NAV3: variants seen among roughly 807,000 people sequenced by gnomAD.
NAV3 encodes the protein neuron navigator 3.
NAV3 carries 87 observed loss-of-function variants against 244.7 expected under a neutral mutation model. That is an observed-to-expected ratio of 0.36 (90% CI 0.30 to 0.42). NAV3 has a LOEUF of 0.42. NAV3 is among the 20% of genes least tolerant of loss of function. The pLI is 1.00. For synonymous variants in NAV3, 1,126 were observed against 1,042.2 expected, an observed-to-expected ratio of 1.08 and a Z score of -1.55; for missense variants, 2,663 against 2,893.3, an observed-to-expected ratio of 0.92 and a Z score of 1.83.
At chr12:78,199,103 C>T (rs189498890) in intron 36 of NAV3, 67 of 610,476 alleles carry the variant, frequency 1.1e-4, no homozygotes, top group African/African-American at 3.6e-4. Context: ...TCACTTCTGA[C>T]GCACATGAGC....
intron 22 of NAV3, among the ~76,000 whole-genome samples, chr12:78,156,292 A>C (rs933592921): frequency 6.6e-6 from 1 of 152,066 alleles, no homozygotes; most frequent in African/African-American, 2.4e-5. Context: ...GGTTTGTCGA[A>C]GATCAGATGG....
intron 35 of NAV3, among the ~76,000 whole-genome samples, chr12:78,197,770 A>G (rs896704195): frequency 6.6e-6 from 1 of 151,928 alleles, no homozygotes; most frequent in African/African-American, 2.4e-5. Flanking sequence ...CTCTTATGGA[A>G]ACATTACTTC....
In NAV3 at chr12:77,858,767, G is replaced by A. The variant is rs1051205153; in HGVS notation, c.243+27063G>A. 3.3e-5 allele frequency among the ~76,000 whole-genome samples: 5 copies of A among 152,034 alleles called. No individual in the cohort carries two copies. In the East Asian group the frequency reaches 9.6e-4, roughly 29 times the overall value. On this transcript the variant is annotated intron_variant, in intron 1 of 39. Transcript: ENST00000397909. ...ATCTTGCTACATAAGCATCCACAAT[G>A]TAAAGTACAATATTTTATATGTTAT...
chr12:78,080,884 T>A (rs1345311638), intron 12 of NAV3, among the ~76,000 whole-genome samples: 5 of 152,342 alleles, frequency 3.3e-5, no homozygotes, highest in African/African-American at 4.8e-5. Flanking sequence ...CTTATGACTT[T>A]ATTTAGCTGA....
chr12:77,896,150 C>G (rs1884608639), intron 1 of NAV3, among the ~76,000 whole-genome samples: 1 of 152,044 alleles, frequency 6.6e-6, no homozygotes, highest in South Asian at 2.1e-4. Flanking sequence ...TCGCTACTAC[C>G]TTATCCTCTG....
chr12:78,151,142 T>A (rs1442188075), intron 22 of NAV3, among the ~76,000 whole-genome samples: 1 of 152,050 alleles, frequency 6.6e-6, no homozygotes, highest in Non-Finnish European at 1.5e-5. Flanking sequence ...TTGTGTTAAT[T>A]TAAAAAGTGC....
intron 2 of NAV3, among the ~76,000 whole-genome samples, chr12:77,800,898 C>T (rs1483964539): frequency 6.6e-6 from 1 of 151,984 alleles, no homozygotes; most frequent in Non-Finnish European, 1.5e-5. Flanking sequence ...ATCTAGGACA[C>T]TCTTCATCAC....
At chr12:77,907,257 A>G (rs1287867730) in intron 1 of NAV3, among the ~76,000 whole-genome samples, 1 of 152,124 alleles carries the variant, frequency 6.6e-6, no homozygotes, top group African/African-American at 2.4e-5. Context: ...AGGAGAGATG[A>G]TAGCTCATTC....
At chr12:78,081,049 A>G (rs1953321603) in intron 12 of NAV3, among the ~76,000 whole-genome samples, 2 of 151,998 alleles carry the variant, frequency 1.3e-5, no homozygotes, top group East Asian at 3.9e-4. Flanking sequence ...CAGGAAATAG[A>G]GAAGTCAGAA....
chr12:77,974,622 T>C (rs1893307751), intron 5 of NAV3, among the ~76,000 whole-genome samples: 1 of 152,074 alleles, frequency 6.6e-6, no homozygotes, highest in South Asian at 2.1e-4. Flanking sequence ...CTTGGATGTA[T>C]TTTATGTGGG....
intron 12 of NAV3, among the ~76,000 whole-genome samples, chr12:78,069,239 T>A (rs1032630505): frequency 1.3e-5 from 2 of 151,730 alleles, no homozygotes; most frequent in African/African-American, 4.8e-5. Context: ...CTCCCATATG[T>A]TTTTTTAGGA....
chr12:77,961,666 A>G (rs1316643461), intron 3 of NAV3, among the ~76,000 whole-genome samples: 1 of 141,860 alleles, frequency 7.0e-6, no homozygotes, highest in Non-Finnish European at 1.5e-5. Context: ...TATATATATT[A>G]CATACATGTA....
rs551690496 is a variant in NAV3 at position 78,167,005 on chromosome 12, A to G, written c.4870-1750A>G. 1.3e-4 allele frequency among the ~76,000 whole-genome samples: 20 copies of G among 151,978 alleles called. No individual in the cohort carries two copies. In the East Asian group the frequency reaches 3.1e-3, roughly 23 times the overall value. ...TATTTACGTTGTATAATTAATATTT[A>G]CATTCCATGATTCCACTATGTACCA... is the stretch of plus-strand genomic sequence containing the variant. On this transcript the variant is annotated intron_variant, in intron 23 of 39. Transcript: ENST00000397909.
chr12:77,934,811 G>A (rs1156592175), intron 1 of NAV3, among the ~76,000 whole-genome samples: 2 of 152,174 alleles, frequency 1.3e-5, no homozygotes, highest in Non-Finnish European at 2.9e-5. Flanking sequence ...GCTACTGCTT[G>A]AATGTTGAAG....
intron 2 of NAV3, among the ~76,000 whole-genome samples, chr12:77,792,064 G>T (rs995882524): frequency 1.3e-5 from 2 of 152,004 alleles, no homozygotes; most frequent in Non-Finnish European, 2.9e-5. Context: ...GCATCTTTAA[G>T]TCTTTCATCA....
At chr12:77,811,092 A>G (rs1021602418) in intron 2 of NAV3, among the ~76,000 whole-genome samples, 1 of 152,248 alleles carries the variant, frequency 6.6e-6, no homozygotes, top group East Asian at 1.9e-4. Flanking sequence ...TGTTAAAACT[A>G]TAAGAATAAA....
intron 8 of NAV3, among the ~76,000 whole-genome samples, chr12:78,019,716 G>T (rs11107884): frequency 0.2 from 30,496 of 151,950 alleles, 3,286 homozygotes; most frequent in Middle Eastern, 0.25. Flanking sequence ...GGTGGCCACA[G>T]TAGAGAGAGG....
chr12:77,740,203 A>G (rs565477354), intron 2 of NAV3, among the ~76,000 whole-genome samples: 5 of 152,262 alleles, frequency 3.3e-5, no homozygotes, highest in South Asian at 4.1e-4. Context: ...CATTTATTAC[A>G]TGCCATTACT....
chr12:78,195,241 C>G (rs1257134294), intron 34 of NAV3, among the ~76,000 whole-genome samples: 1 of 151,908 alleles, frequency 6.6e-6, no homozygotes, highest in Non-Finnish European at 1.5e-5. Flanking sequence ...TTATTGCCAC[C>G]ACCAGTAGCA....
Sources: gnomAD v4.1 joint callset for allele counts (sites outside exome capture counted in the v4.1 genomes callset) on GRCh38, gnomAD v4.1.1 for gene constraint, MANE v1.5 for transcripts, NCBI Gene and HGNC (gene_info 2026-07-23, HGNC 2026-07-21) for gene names.